ZNF521: variants seen among roughly 807,000 people sequenced by gnomAD.
The protein encoded by ZNF521 is LYST-interacting protein 3.
In ZNF521, 14 loss-of-function variants were observed where a neutral mutation model predicts 105.5. The ratio of observed to expected loss-of-function variants is 0.13; its 90% CI spans 0.09 to 0.21. ZNF521 has a LOEUF of 0.21. Ranked by LOEUF, ZNF521 falls within the 10% of genes least tolerant of loss-of-function variation. The probability of loss-of-function intolerance (pLI) is 1.00; values close to 1 mark genes in which losing one functional copy is unlikely to be tolerated. For synonymous variants in ZNF521, 635 were observed against 606.0 expected, an observed-to-expected ratio of 1.05 and a Z score of -0.70; for missense variants, 1,233 against 1,629.7, an observed-to-expected ratio of 0.76 and a Z score of 4.19.
intron 3 of ZNF521, among the ~76,000 whole-genome samples, chr18:25,237,981 G>C (rs1907038009): frequency 6.6e-6 from 1 of 152,160 alleles, no homozygotes; most frequent in Non-Finnish European, 1.5e-5. Flanking sequence ...GAAAAAAAGT[G>C]CTAATTTTAC....
intron 4 of ZNF521, among the ~76,000 whole-genome samples, chr18:25,215,364 C>G (rs1476598804): frequency 6.6e-6 from 1 of 152,180 alleles, no homozygotes; most frequent in Non-Finnish European, 1.5e-5. Flanking sequence ...TAGAAAACTA[C>G]ATCTACATCA....
chr18:25,176,547 C>T (rs2035538301), intron 5 of ZNF521, among the ~76,000 whole-genome samples: 1 of 152,174 alleles, frequency 6.6e-6, no homozygotes, highest in Non-Finnish European at 1.5e-5. Flanking sequence ...GCCTCCTCTG[C>T]TTACACCAGA....
rs928556460 is a variant in ZNF521, at chr18:25,224,651, T to C, written c.3267A>G (p.Pro1089=). ...TCACGCAGCCGGCACACAGACCATA[T>C]GGCAGGCCATTGATATCAAGTTTCA... is the stretch of plus-strand genomic sequence containing the variant. The part of the protein sequence containing the change: ...DLVKLDINGL[P]YGLCAGCVNL... Residue 1089 remains proline (P), a synonymous_variant, in exon 4 of 8, where the codon CCA becomes CCG. Transcript: ENST00000361524. 1.2e-6 allele frequency: 2 copies of C among 1,614,050 alleles called. No homozygotes were observed. The highest frequency in any genetic ancestry group is 1.7e-6 in the Non-Finnish European group (2 of 1,180,034).
intron 4 of ZNF521, among the ~76,000 whole-genome samples, chr18:25,220,045 G>C (rs1323800163): frequency 5.3e-5 from 8 of 152,098 alleles, no homozygotes. Context: ...TCAAGCTCTG[G>C]GAGCGAAGGA....
chr18:25,344,024 G>C (rs750552242), intron 2 of ZNF521, among the ~76,000 whole-genome samples: 2 of 152,036 alleles, frequency 1.3e-5, no homozygotes, highest in Non-Finnish European at 2.9e-5. Context: ...CAGGCAGCAG[G>C]ATAACTGCTG....
At chr18:25,191,381 T>C (rs2035815598) in intron 5 of ZNF521, among the ~76,000 whole-genome samples, 2 of 152,236 alleles carry the variant, frequency 1.3e-5, no homozygotes, top group South Asian at 4.2e-4. Context: ...AGGATAATGG[T>C]ATTTCTCCCC....
At chr18:25,135,729 G>C (rs1269403062) in intron 5 of ZNF521, among the ~76,000 whole-genome samples, 1 of 152,160 alleles carries the variant, frequency 6.6e-6, no homozygotes, top group African/African-American at 2.4e-5. Flanking sequence ...GCTGATTGGA[G>C]AGCCCCAGGA....
chr18:25,133,203 T>G (rs911931457), intron 5 of ZNF521, among the ~76,000 whole-genome samples: 2 of 152,194 alleles, frequency 1.3e-5, no homozygotes, highest in African/African-American at 2.4e-5. Flanking sequence ...TGCAGTTGAA[T>G]TTATTATCCT....
intron 3 of ZNF521, among the ~76,000 whole-genome samples, chr18:25,287,179 C>T (rs1361286944): frequency 6.6e-6 from 1 of 152,192 alleles, no homozygotes; most frequent in African/African-American, 2.4e-5. Context: ...TCAAGAAACA[C>T]TCCTGGGGGG....
intron 3 of ZNF521, among the ~76,000 whole-genome samples, chr18:25,287,007 G>C (rs1442640844): frequency 1.3e-5 from 2 of 152,178 alleles, no homozygotes; most frequent in Admixed American, 1.3e-4. Context: ...TCATGGACCA[G>C]ACATGGACTT....
At chr18:25,186,076 A>C (rs2035716899) in intron 5 of ZNF521, among the ~76,000 whole-genome samples, 1 of 152,178 alleles carries the variant, frequency 6.6e-6, no homozygotes, top group Non-Finnish European at 1.5e-5. Flanking sequence ...TGATTTTTCT[A>C]ATTTTTGTCT....
At chr18:25,202,006 C>G (rs2036002105) in intron 4 of ZNF521, 1 of 152,110 alleles carries the variant, frequency 6.6e-6, no homozygotes, top group Non-Finnish European at 1.5e-5. Context: ...CTATTTACTG[C>G]CTGTATTACT....
At chr18:25,125,584 T>G (rs192131885) in intron 5 of ZNF521, among the ~76,000 whole-genome samples, 1 of 151,954 alleles carries the variant, frequency 6.6e-6, no homozygotes, top group Admixed American at 6.6e-5. Flanking sequence ...TAGGATTGCA[T>G]CAGCTATCTC....
intron 7 of ZNF521, among the ~76,000 whole-genome samples, chr18:25,080,334 G>C (rs1198695965): frequency 2.6e-5 from 4 of 152,108 alleles, no homozygotes; most frequent in Non-Finnish European, 4.4e-5. Flanking sequence ...TGACAGCACC[G>C]CAAGCACAGC....
chr18:25,124,334 C>T (rs888764501), intron 5 of ZNF521, among the ~76,000 whole-genome samples: 2 of 152,126 alleles, frequency 1.3e-5, no homozygotes, highest in Non-Finnish European at 2.9e-5. Flanking sequence ...TTAACAACAG[C>T]TGCAGTCCTG....
chr18:25,116,932 TAC>T (rs1555635670), intron 5 of ZNF521, among the ~76,000 whole-genome samples: 9 of 143,520 alleles, frequency 6.3e-5, no homozygotes, highest in African/African-American at 1.8e-4. Flanking sequence ...TGTATATATA[TAC>T]GTATATATAC....
intron 5 of ZNF521, among the ~76,000 whole-genome samples, chr18:25,168,153 C>T (rs1323171653): frequency 6.6e-6 from 1 of 152,068 alleles, no homozygotes; most frequent in African/African-American, 2.4e-5. Context: ...CTCTGGTGTC[C>T]CTGTGGCCCG....
intron 2 of ZNF521, among the ~76,000 whole-genome samples, chr18:25,333,730 C>T (rs1453547694): frequency 3.3e-5 from 5 of 152,118 alleles, no homozygotes; most frequent in Non-Finnish European, 7.4e-5. Context: ...TAATATATTT[C>T]GAACAAAAGA....
At chr18:25,141,788 T>A (rs1285876551) in intron 5 of ZNF521, among the ~76,000 whole-genome samples, 1 of 152,146 alleles carries the variant, frequency 6.6e-6, no homozygotes, top group Admixed American at 6.6e-5. Context: ...TTTTCGGCAA[T>A]ACTCTAATGA....
Sources: allele counts gnomAD v4.1 joint callset (sites outside exome capture counted in the v4.1 genomes callset), GRCh38; gene constraint gnomAD v4.1.1; transcripts MANE v1.5; gene names NCBI Gene and HGNC (gene_info 2026-07-23, HGNC 2026-07-21).